Variants in ANKRD28 observed in about 807,000 individuals in gnomAD.
ANKRD28 encodes the protein serine/threonine-protein phosphatase 6 regulatory ankyrin repeat subunit A.
A neutral mutation model predicts 126.5 loss-of-function variants in ANKRD28; 44 were observed. The ratio of observed to expected loss-of-function variants is 0.35; its 90% CI spans 0.27 to 0.45. The LOEUF (loss-of-function observed/expected upper bound fraction) is 0.45, where lower values mean the gene tolerates loss of function less well. Ranked by LOEUF, ANKRD28 falls within the 20% of genes least tolerant of loss-of-function variation. The probability of loss-of-function intolerance (pLI) is 1.00; values close to 1 mark genes in which losing one functional copy is unlikely to be tolerated. For missense variants in ANKRD28, 1,110 were observed against 1,316.6 expected (o/e 0.84, Z 2.43); for synonymous variants, 442 against 468.5 (o/e 0.94, Z 0.73).
Position 15,833,435 on chromosome 3 carries a change from C to A in ANKRD28, c.27+25942G>T, listed in dbSNP as rs2061248501. On this transcript the variant is annotated intron_variant, in intron 1 of 27. Transcript: ENST00000399451. The surrounding 1 kb of genome is among the most constrained non-coding windows in gnomAD (Gnocchi z 4.4). ...AGCTGGCAGATGCCCTACTGTGGGACCTTGTGATCATGTGAGTTAATACTT... is the reference window on the plus strand; with the variant it reads ...AGCTGGCAGATGCCCTACTGTGGGAACTTGTGATCATGTGAGTTAATACTT... Among the ~76,000 whole-genome samples the A allele has an allele frequency of 6.6e-6, 1 of 151,134 alleles. No individual in the cohort carries two copies. The highest frequency in any genetic ancestry group is 1.5e-5 in the Non-Finnish European group (1 of 67,844).
At position 15,685,391 on chromosome 3, in the gene ANKRD28, A is replaced by C. The variant is rs372790335; in HGVS notation, c.2224T>G (p.Cys742Gly). The change falls in exon 21 of 28, where the codon TGC becomes GGC. Residue 742 changes from cysteine to glycine, a missense_variant. By Grantham distance (159) the Cys-to-Gly change is radical. Transcript: ENST00000683139. ...VDALLQHGAKCLLRDSRGRTP... is the reference protein window; with the variant it reads ...VDALLQHGAKGLLRDSRGRTP... ...CGGCCCCTGCTATCCCGAAGTAAGC[A>C]CTTAGCACCATGTTGAAGTAATGCA... The C allele has an allele frequency of 9.3e-6, 15 of 1,613,328 alleles. No homozygotes were observed. In the East Asian group the frequency reaches 1.3e-4, roughly 14 times the overall value.
chr3:15,694,944 T>C, intron 16 of ANKRD28, 131 bp from the exon 17 acceptor site: 1 of 886,478 alleles, frequency 1.1e-6, no homozygotes, highest in South Asian at 1.6e-5. Context: ...ATGATTATTA[T>C]GAAAGTATAC....
At chr3:15,688,998 T>A (rs2068472884) in intron 18 of ANKRD28, among the ~76,000 whole-genome samples, 1 of 152,238 alleles carries the variant, frequency 6.6e-6, no homozygotes, top group South Asian at 2.1e-4. Flanking sequence ...GTTTTGTTGA[T>A]AAAGTGTTTC....
chr3:15,848,272 T>C (rs1331937000), intron 1 of ANKRD28, among the ~76,000 whole-genome samples: 1 of 152,238 alleles, frequency 6.6e-6, no homozygotes, highest in African/African-American at 2.4e-5. Context: ...GAAGAAACTC[T>C]GACAATAATG....
chr3:15,813,389 C>A (rs1236619465), intron 1 of ANKRD28, among the ~76,000 whole-genome samples: 12 of 151,948 alleles, frequency 7.9e-5, no homozygotes, highest in African/African-American at 2.9e-4. Flanking sequence ...AAAACCAAAA[C>A]CCCAAAACTT....
rs143369390 is a variant in ANKRD28 at position 15,828,266 on chromosome 3, A to T, written c.27+31111T>A. 9.8e-5 allele frequency among the ~76,000 whole-genome samples: 15 copies of T among 152,310 alleles called. No homozygotes were observed. In the East Asian group the frequency reaches 2.9e-3, roughly 29 times the overall value. On this transcript the variant is annotated intron_variant, in intron 1 of 27. Coordinates refer to the ANKRD28 transcript ENST00000399451. ...ATTTTCTAGAGGTCAAAACAGGCGA[A>T]TGATTATGGAAAAATTATTACCTTC...
chr3:15,701,424 C>T (rs2070597389), intron 14 of ANKRD28, among the ~76,000 whole-genome samples: 1 of 152,116 alleles, frequency 6.6e-6, no homozygotes, highest in African/African-American at 2.4e-5. Context: ...GTGGGCGGAA[C>T]ACCTGAGGTC....
intron 3 of ANKRD28, among the ~76,000 whole-genome samples, chr3:15,758,366 T>A (rs370270116): frequency 6.6e-6 from 1 of 152,178 alleles, no homozygotes; most frequent in East Asian, 1.9e-4. Context: ...CTTTTCCAAC[T>A]ATAATGCTGA....
chr3:15,827,015 A>T (rs1559578053), intron 1 of ANKRD28, among the ~76,000 whole-genome samples: 4 of 152,170 alleles, frequency 2.6e-5, no homozygotes, highest in Non-Finnish European at 5.9e-5. Flanking sequence ...TATATTTTTT[A>T]AAAAGTTCAC....
At chr3:15,848,602 G>A (rs542051759) in intron 1 of ANKRD28, among the ~76,000 whole-genome samples, 1 of 152,020 alleles carries the variant, frequency 6.6e-6, no homozygotes, top group African/African-American at 2.4e-5. Flanking sequence ...TTGAGCCCAG[G>A]AGGTCTAGGC....
intron 1 of ANKRD28, among the ~76,000 whole-genome samples, chr3:15,835,590 C>T (rs898618432): frequency 6.6e-6 from 1 of 152,162 alleles, no homozygotes; most frequent in Non-Finnish European, 1.5e-5. Flanking sequence ...CCAATGGTTG[C>T]CCCCACAGCT....
Position 15,833,677 on chromosome 3 carries a change from T to C in ANKRD28, c.27+25700A>G, listed in dbSNP as rs1238659541. On this transcript the variant is annotated intron_variant, in intron 1 of 27. Coordinates refer to the ANKRD28 transcript ENST00000399451. This position sits in a 1 kb window ranked among gnomAD's most constrained non-coding sequence, Gnocchi z 4.4. ...AATAGTAACTAACCATTCTGACTCATATAAGATGGTTTTAACCCATTTATG... is the reference window on the plus strand; with the variant it reads ...AATAGTAACTAACCATTCTGACTCACATAAGATGGTTTTAACCCATTTATG... Among the ~76,000 whole-genome samples the C allele has an allele frequency of 6.6e-6, 1 of 151,898 alleles. No individual in the cohort carries two copies. The highest frequency in any genetic ancestry group is 6.6e-5 in the Admixed American group (1 of 15,232).
At chr3:15,759,301 T>C (rs7628824) in intron 3 of ANKRD28, among the ~76,000 whole-genome samples, 102,364 of 151,876 alleles carry the variant, frequency 0.67, 35,019 homozygotes, top group East Asian at 0.93. Flanking sequence ...AAGCTAAATG[T>C]CTTAGTTTCC....
At chr3:15,674,220 A>G (rs1210318219) in intron 27 of ANKRD28, among the ~76,000 whole-genome samples, 2 of 148,802 alleles carry the variant, frequency 1.3e-5, no homozygotes, top group Non-Finnish European at 3.0e-5. Flanking sequence ...GAAATTCAAG[A>G]GTAACATGTT....
intron 4 of ANKRD28, among the ~76,000 whole-genome samples, chr3:15,744,473 C>CT (rs551103706): frequency 0.39 from 53,278 of 137,110 alleles, 12,373 homozygotes; most frequent in African/African-American, 0.65. Context: ...CCAAACCTGG[C>CT]TTTTTTTTTT....
chr3:15,720,679 C>T (rs982346614), intron 8 of ANKRD28, among the ~76,000 whole-genome samples: 3 of 151,946 alleles, frequency 2.0e-5, no homozygotes, highest in African/African-American at 7.3e-5. Context: ...TGATTTTTTT[C>T]AATTATAGAT....
chr3:15,695,934 T>C (rs2069480674), intron 15 of ANKRD28, among the ~76,000 whole-genome samples, 200 bp downstream of exon 15: 2 of 152,066 alleles, frequency 1.3e-5, no homozygotes, highest in African/African-American at 2.4e-5. Context: ...TCTTCAGAGA[T>C]CTAATTTTCT....
In ANKRD28 at chr3:15,846,275, C is replaced by T. The variant is rs191224157; in HGVS notation, c.27+13102G>A. ...TTCCTGTTCCAATGGGAGACACTGG[C>T]CAAAACAAAGAGGCTACTGGCCCCA... On this transcript the variant is annotated intron_variant, in intron 1 of 27. Coordinates refer to the ANKRD28 transcript ENST00000399451. This position sits in a 1 kb window ranked among gnomAD's most constrained non-coding sequence, Gnocchi z 5.4. Among the ~76,000 whole-genome samples the T allele has an allele frequency of 1.6e-4, 25 of 152,314 alleles. No individual in the cohort carries two copies. Among genetic ancestry groups the T allele is most frequent in the Admixed American group, 1.4e-3 (21 of 15,302 alleles).
In ANKRD28 at chr3:15,786,361, T is replaced by C. The variant is rs140891553; in HGVS notation, c.201+8862A>G. ...AACTGCTCTACAACATAAAATCTAT[T>C]ACAAAAAAAAAGCCAGACCAAAAAA... On this transcript the variant is annotated intron_variant, in intron 2 of 27. Transcript: ENST00000683139. Among the ~76,000 whole-genome samples, 608 of 151,616 alleles carry C rather than the reference T, an allele frequency of 4.0e-3. 2 individuals carry two copies. The highest frequency in any genetic ancestry group is 0.023 in the East Asian group (118 of 5,154).
Sources: gnomAD v4.1 joint callset for allele counts (sites outside exome capture counted in the v4.1 genomes callset) on GRCh38, gnomAD v4.1.1 for gene constraint, Gnocchi (gnomAD v3.1) non-coding constraint, MANE v1.5 for transcripts, NCBI Gene and HGNC (gene_info 2026-07-23, HGNC 2026-07-21) for gene names.